COMMD10: variants seen among roughly 807,000 people sequenced by gnomAD.
COMMD10 encodes COMM domain containing 10.
Under a neutral mutation model 28.9 loss-of-function variants are expected in COMMD10, and 33 were observed. The observed-to-expected ratio is 1.14, with a 90% CI of 0.87 to 1.53. The LOEUF (loss-of-function observed/expected upper bound fraction) is 1.53, where lower values mean the gene tolerates loss of function less well. COMMD10 is among the 40% of genes most tolerant of loss of function. The pLI is 0.00. For synonymous variants in COMMD10, 110 were observed against 81.7 expected (o/e 1.35, Z -1.87); for missense variants, 310 against 233.4 (o/e 1.33, Z -2.14).
At chr5:116,130,156 CTT>C (rs1751817937) in intron 4 of COMMD10, among the ~76,000 whole-genome samples, 1 of 151,762 alleles carries the variant, frequency 6.6e-6, no homozygotes, top group African/African-American at 2.4e-5. Context: ...TGTGCATACT[CTT>C]TAATTTATTT....
At chr5:116,123,101 A>G (rs1751498718) in intron 4 of COMMD10, among the ~76,000 whole-genome samples, 1 of 152,144 alleles carries the variant, frequency 6.6e-6, no homozygotes, top group African/African-American at 2.4e-5. Flanking sequence ...TTGATATGAT[A>G]TTGGCTGTGG....
At chr5:116,134,004 C>A in intron 4 of COMMD10, 64 bp from the exon 5 acceptor site, 1 of 957,622 alleles carries the variant, frequency 1.0e-6, no homozygotes, top group Non-Finnish European at 1.7e-6. Flanking sequence ...TGGAGATTTG[C>A]TTAAAGTTGA....
At chr5:116,210,035 C>T (rs1197798153) in intron 5 of COMMD10, among the ~76,000 whole-genome samples, 1 of 152,080 alleles carries the variant, frequency 6.6e-6, no homozygotes. Context: ...CAGAAGGCAT[C>T]ACATGAAGAG....
At chr5:116,218,327 C>A in intron 5 of COMMD10, 1 of 678,672 alleles carries the variant, frequency 1.5e-6, no homozygotes, top group Non-Finnish European at 2.8e-6. Context: ...GGGACATAGG[C>A]ACTGGGCGTA....
intron 5 of COMMD10, among the ~76,000 whole-genome samples, chr5:116,284,121 G>T (rs1049632434): frequency 6.6e-6 from 1 of 151,652 alleles, no homozygotes; most frequent in African/African-American, 2.4e-5. Flanking sequence ...AACAGAGCAA[G>T]ACCCCATCTC....
At chr5:116,157,000 G>C (rs1276577492) in intron 5 of COMMD10, among the ~76,000 whole-genome samples, 1 of 152,074 alleles carries the variant, frequency 6.6e-6, no homozygotes, top group African/African-American at 2.4e-5. Flanking sequence ...TTTCTGCCTA[G>C]AGATCTCAGG....
chr5:116,258,429 A>G (rs557714618), intron 5 of COMMD10, among the ~76,000 whole-genome samples: 10 of 150,128 alleles, frequency 6.7e-5, no homozygotes, highest in African/African-American at 2.3e-4. Flanking sequence ...ACACCACCAC[A>G]TCTTTTTTTC....
chr5:116,142,845 A>T (rs1378894696), intron 5 of COMMD10, among the ~76,000 whole-genome samples: 1 of 151,690 alleles, frequency 6.6e-6, no homozygotes, highest in Admixed American at 6.6e-5. Flanking sequence ...AATAACTCTT[A>T]TGTGTTAGAT....
In COMMD10 at chr5:116,152,259, G is replaced by A. The variant is rs1297039194; in HGVS notation, c.510+18081G>A. On this transcript the variant is annotated intron_variant, in intron 5 of 6. Transcript: ENST00000274458. ...ATTTGTGTTCTTTTACATTTGCTGAGGAGAGCTTTACTTAAATGAATATAG... is the reference window on the plus strand; with the variant it reads ...ATTTGTGTTCTTTTACATTTGCTGAAGAGAGCTTTACTTAAATGAATATAG... 4.6e-5 allele frequency among the ~76,000 whole-genome samples: 7 copies of A among 152,190 alleles called. No individual in the cohort carries two copies. In the East Asian group the frequency reaches 9.7e-4, roughly 21 times the overall value.
Position 116,179,553 on chromosome 5 carries a change from A to G in COMMD10, c.510+45375A>G, listed in dbSNP as rs535636456. On this transcript the variant is annotated intron_variant, in intron 5 of 6. Coordinates refer to ENST00000274458, the MANE Select transcript of COMMD10 (RefSeq NM_016144.4). ...GGGAGAAGAGCTGTTCCACAATGGA[A>G]GGAACAAGAAGGAAGCTTAAAAGAC... 9.9e-5 allele frequency among the ~76,000 whole-genome samples: 15 copies of G among 152,272 alleles called. No individual in the cohort carries two copies. The South Asian group carries it at 2.9e-3, about 29-fold the overall frequency.
intron 4 of COMMD10, among the ~76,000 whole-genome samples, chr5:116,093,350 C>T (rs982974011): frequency 1.3e-5 from 2 of 152,094 alleles, no homozygotes; most frequent in South Asian, 2.1e-4. Context: ...AGAGAAGTGA[C>T]CGGAAACACC....
At chr5:116,186,153 G>A (rs971514766) in intron 5 of COMMD10, among the ~76,000 whole-genome samples, 1 of 152,066 alleles carries the variant, frequency 6.6e-6, no homozygotes, top group Admixed American at 6.6e-5. Context: ...TCGAATGAAG[G>A]TAACAAATTA....
intron 5 of COMMD10, among the ~76,000 whole-genome samples, chr5:116,150,359 T>A (rs1752483702): frequency 6.6e-6 from 1 of 152,180 alleles, no homozygotes. Context: ...TGGTTCCATA[T>A]GAACTTTAAA....
intron 4 of COMMD10, among the ~76,000 whole-genome samples, chr5:116,115,444 A>G (rs567441908): frequency 2.6e-5 from 4 of 152,178 alleles, no homozygotes; most frequent in South Asian, 2.1e-4. Context: ...CACTTACATT[A>G]TAAGTGTGAC....
At position 116,160,350 on chromosome 5, in the gene COMMD10, G is replaced by C. The variant is rs527944150; in HGVS notation, c.510+26172G>C. ...TTCATTTGTTAATGAATTTGTTCCTGCATTTGGCAATGAGCTAAATCCATT... is the reference window on the plus strand; with the variant it reads ...TTCATTTGTTAATGAATTTGTTCCTCCATTTGGCAATGAGCTAAATCCATT... On this transcript the variant is annotated intron_variant, in intron 5 of 6. Transcript: ENST00000274458. 2.0e-5 allele frequency among the ~76,000 whole-genome samples: 3 copies of C among 152,272 alleles called. 1 individual carries two copies. The Middle Eastern group carries it at 0.01, about 518-fold the overall frequency.
chr5:116,178,670 C>G (rs1479375738), intron 5 of COMMD10, among the ~76,000 whole-genome samples: 1 of 152,076 alleles, frequency 6.6e-6, no homozygotes, highest in Non-Finnish European at 1.5e-5. Context: ...GATATATCAT[C>G]TCAGGCCAAG....
chr5:116,102,674 TTTA>T (rs1750702853), intron 4 of COMMD10, among the ~76,000 whole-genome samples: 1 of 152,152 alleles, frequency 6.6e-6, no homozygotes, highest in Non-Finnish European at 1.5e-5. Context: ...AATAATTCTT[TTTA>T]TTATTATGTT....
chr5:116,181,225 C>T (rs1204466898), intron 5 of COMMD10, among the ~76,000 whole-genome samples: 1 of 151,840 alleles, frequency 6.6e-6, no homozygotes, highest in Non-Finnish European at 1.5e-5. Context: ...TAGTGTACTT[C>T]TCTGTTGGAT....
intron 5 of COMMD10, among the ~76,000 whole-genome samples, chr5:116,246,911 G>T (rs1749966199): frequency 6.6e-6 from 1 of 151,988 alleles, no homozygotes; most frequent in South Asian, 2.1e-4. Context: ...CAGGACAATG[G>T]CACGGGCAAA....
Sources: allele counts gnomAD v4.1 joint callset (sites outside exome capture counted in the v4.1 genomes callset), GRCh38; gene constraint gnomAD v4.1.1; transcripts MANE v1.5; gene names NCBI Gene and HGNC (gene_info 2026-07-23, HGNC 2026-07-21).